The following CACNB2 variants were observed in gnomAD, a reference collection of about 807,000 sequenced individuals.
The protein encoded by CACNB2 is calcium voltage-gated channel auxiliary subunit beta 2.
A neutral mutation model predicts 73.3 loss-of-function variants in CACNB2; 42 were observed. That is an observed-to-expected ratio of 0.57 (90% CI 0.45 to 0.74). The LOEUF (loss-of-function observed/expected upper bound fraction) is 0.74. CACNB2 is among the 30% of genes least tolerant of loss of function. CACNB2 has a pLI of 0.00. For missense variants in CACNB2, 940 were observed against 853.0 expected, an observed-to-expected ratio of 1.10 and a Z score of -1.27; for synonymous variants, 348 against 310.3, an observed-to-expected ratio of 1.12 and a Z score of -1.28.
chr10:18,446,958 C>A (rs2046764749), intron 3 of CACNB2, among the ~76,000 whole-genome samples: 1 of 151,696 alleles, frequency 6.6e-6, no homozygotes, highest in Admixed American at 6.6e-5. Flanking sequence ...ACTTGGGAAG[C>A]TGAGGTAGGA....
At chr10:18,239,380 C>A (rs1257608173) in intron 2 of CACNB2, among the ~76,000 whole-genome samples, 2 of 152,098 alleles carry the variant, frequency 1.3e-5, no homozygotes, top group Non-Finnish European at 2.9e-5. Flanking sequence ...CACTGTTTAG[C>A]TCCCACTTAG....
At chr10:18,440,560 G>A (rs889768617) in intron 3 of CACNB2, among the ~76,000 whole-genome samples, 3 of 152,084 alleles carry the variant, frequency 2.0e-5, no homozygotes, top group East Asian at 1.9e-4. Flanking sequence ...CCAGCTACTC[G>A]GGAGGATCAC....
At chr10:18,461,596 G>C (rs138089232) in intron 3 of CACNB2, among the ~76,000 whole-genome samples, 7 of 151,996 alleles carry the variant, frequency 4.6e-5, no homozygotes, top group African/African-American at 1.7e-4. Context: ...GGATGAAACT[G>C]TTCCACCCCA....
intron 3 of CACNB2, among the ~76,000 whole-genome samples, chr10:18,406,959 C>A: frequency 6.6e-6 from 1 of 151,914 alleles, no homozygotes; most frequent in South Asian, 2.1e-4. Context: ...AAACATAGAC[C>A]CTTTCAGAGA....
intron 2 of CACNB2, among the ~76,000 whole-genome samples, chr10:18,369,460 C>T (rs2042487037): frequency 6.6e-6 from 1 of 152,050 alleles, no homozygotes; most frequent in Non-Finnish European, 1.5e-5. Context: ...TTATTTTCCC[C>T]TAAGGTCAGT....
At chr10:18,510,308 T>C (rs1326775368) in intron 6 of CACNB2, among the ~76,000 whole-genome samples, 1 of 151,950 alleles carries the variant, frequency 6.6e-6, no homozygotes, top group African/African-American at 2.4e-5. Context: ...TTCCACTCTT[T>C]CTTTGTTTTT....
At chr10:18,197,158 A>ATGGCAGGCCTGTGTTTCGTTCCTCGTCT in intron 2 of CACNB2, among the ~76,000 whole-genome samples, 1 of 152,084 alleles carries the variant, frequency 6.6e-6, no homozygotes, top group South Asian at 2.1e-4. Flanking sequence ...GAGCTCTTTG[A>ATGGCAGGCCTGTGTTTCGTTCCTCGTCT]TGGCAGGCCT....
At chr10:18,389,829 G>A (rs1050638656) in intron 2 of CACNB2, among the ~76,000 whole-genome samples, 20 of 152,134 alleles carry the variant, frequency 1.3e-4, no homozygotes, top group Admixed American at 7.9e-4. Flanking sequence ...GTTTAATGAT[G>A]GAAAATGGTA....
chr10:18,423,055 A>G (rs2045412006), intron 3 of CACNB2, among the ~76,000 whole-genome samples: 3 of 152,228 alleles, frequency 2.0e-5, no homozygotes, highest in Non-Finnish European at 4.4e-5. Context: ...GACTGAATGA[A>G]TCACATGATC....
chr10:18,532,690 A>AAC (rs1434158885), intron 10 of CACNB2, among the ~76,000 whole-genome samples: 7 of 58,758 alleles, frequency 1.2e-4, no homozygotes, highest in Admixed American at 4.1e-4. Flanking sequence ...AAAAAAAAAA[A>AAC]AAAAAACAAA....
At chr10:18,181,495 G>A (rs2033877848) in intron 2 of CACNB2, among the ~76,000 whole-genome samples, 1 of 151,908 alleles carries the variant, frequency 6.6e-6, no homozygotes, top group Non-Finnish European at 1.5e-5. Context: ...TTACCTATTT[G>A]CAGTACTCTT....
At chr10:18,239,759 A>G (rs2036579011) in intron 2 of CACNB2, among the ~76,000 whole-genome samples, 1 of 152,234 alleles carries the variant, frequency 6.6e-6, no homozygotes, top group South Asian at 2.1e-4. Flanking sequence ...TGTTCTAAAT[A>G]CCAGTTAATC....
At chr10:18,154,522 C>T (rs533337248) in intron 2 of CACNB2, among the ~76,000 whole-genome samples, 7 of 152,012 alleles carry the variant, frequency 4.6e-5, no homozygotes, top group African/African-American at 9.7e-5. Flanking sequence ...GGCTGGAGTG[C>T]GGTGGCCTGA....
rs528603551 is a variant in CACNB2 at position 18,485,503 on chromosome 10, A to T, written c.334-12852A>T. Among the ~76,000 whole-genome samples, 12 of 42,034 alleles carry T rather than the reference A, an allele frequency of 2.9e-4. No homozygotes were observed. The East Asian group carries it at 3.4e-3, about 12-fold the overall frequency. The allele number at this position is 42,034 out of a possible 152,430, so 27.6% of individuals were successfully genotyped here. A position where few individuals can be genotyped will look rare whatever the true frequency, so the allele number is the denominator to read the frequency against. The stretch of plus-strand genomic sequence containing the variant: ...TAGTGTACACAACAAATAAGTGGAT[A>T]AAAAAAACGGATTAGATCTTCTTGA... On this transcript the variant is annotated intron_variant, in intron 3 of 13. Coordinates refer to ENST00000324631, the MANE Select transcript of CACNB2 (RefSeq NM_201596.3).
intron 1 of CACNB2, among the ~76,000 whole-genome samples, chr10:18,141,608 C>A (rs994489842): frequency 6.6e-6 from 1 of 152,346 alleles, no homozygotes. Context: ...AAGTCAGCTT[C>A]GCTGCAGGTT....
intron 3 of CACNB2, among the ~76,000 whole-genome samples, chr10:18,453,482 T>TA (rs2047114679): frequency 6.6e-6 from 1 of 152,174 alleles, no homozygotes. Flanking sequence ...TCTCCCCTCC[T>TA]ACCTACTCAC....
chr10:18,160,620 G>A (rs1419221759), intron 2 of CACNB2, among the ~76,000 whole-genome samples: 2 of 152,148 alleles, frequency 1.3e-5, no homozygotes, highest in Non-Finnish European at 1.5e-5. Context: ...ATGTGTTTCA[G>A]ATGAATCATA....
chr10:18,258,084 T>C (rs2037361078), intron 2 of CACNB2, among the ~76,000 whole-genome samples: 1 of 152,174 alleles, frequency 6.6e-6, no homozygotes, highest in African/African-American at 2.4e-5. Context: ...ACATGGATTG[T>C]ATTTTATTCA....
intron 3 of CACNB2, among the ~76,000 whole-genome samples, chr10:18,409,860 G>A (rs909067269): frequency 2.0e-5 from 3 of 152,114 alleles, no homozygotes; most frequent in Admixed American, 2.0e-4. Context: ...ACTTAGGATG[G>A]AGATCTTATA....
Sources: gnomAD v4.1 joint callset for allele counts (sites outside exome capture counted in the v4.1 genomes callset) on GRCh38, gnomAD v4.1.1 for gene constraint, MANE v1.5 for transcripts, NCBI Gene and HGNC (gene_info 2026-07-23, HGNC 2026-07-21) for gene names.